The following ZMYM3 variants were observed in gnomAD, a reference collection of about 807,000 sequenced individuals.
The protein encoded by ZMYM3 is zinc finger MYM-type containing 3.
A neutral mutation model predicts 94.2 loss-of-function variants in ZMYM3; 6 were observed. The ratio of observed to expected loss-of-function variants is 0.06; its 90% CI spans 0.03 to 0.13. The LOEUF is 0.13. ZMYM3 is among the 10% of genes least tolerant of loss of function. The pLI, the probability that ZMYM3 is intolerant of heterozygous loss-of-function variation, is 1.00. For missense variants in ZMYM3, 664 were observed against 1,132.6 expected (o/e 0.59, Z 5.94); for synonymous variants, 420 against 426.5 (o/e 0.98, Z 0.19).
Position 71,245,385 on chromosome X carries a change from A to G in ZMYM3, c.2961T>C (p.Asn987=). Residue 987 remains asparagine, a synonymous_variant, in exon 18 of 25, where the codon AAT becomes AAC. Coordinates refer to ENST00000314425, the MANE Select transcript of ZMYM3 (RefSeq NM_201599.3). ...DVLAMAVKMA[N]VLDEPGQDLE... is the part of the protein sequence containing the mutation. ...AGTCTTGCCCAGGCTCATCCAAGAC[A>G]TTGGCCATCTTGACTGCCATGGCCA... 8.3e-7 allele frequency: 1 copy of G among 1,211,799 alleles called. No homozygotes were observed. Among genetic ancestry groups the G allele is most frequent in the Non-Finnish European group, 1.1e-6 (1 of 895,546 alleles).
Position 71,249,515 on chromosome X carries a change from G to A in ZMYM3, c.1416C>T (p.His472=), listed in dbSNP as rs150144367. The change falls in exon 7 of 25, where the codon CAC becomes CAT. Residue 472 remains histidine, a synonymous_variant. Coordinates refer to ENST00000314425, the MANE Select transcript of ZMYM3 (RefSeq NM_201599.3). The part of the protein sequence containing the change: ...TGSPGPELLF[H]EGQQKRFCNT... ...TGCAGAACCGCTTTTGTTGGCCCTC[G>A]TGGAAGAGGAGCTCAGGGCCAGGAC... The A allele has an allele frequency of 4.2e-5, 51 of 1,202,551 alleles. No individual in the cohort carries two copies. The African/African-American group carries it at 5.5e-4, about 13-fold the overall frequency.
rs1374395895 is a variant in ZMYM3 at position 71,248,816 on chromosome X, GAA to G, written c.1622-17_1622-16del. ...TCGGGGAGGGCCTGGGGCATAGAGA[GAA>G]AGAGAGAGAGGAAAAGAGAAAGAGA... On this transcript the variant is annotated splice_polypyrimidine_tract_variant and intron_variant, in intron 8 of 24. Transcript: ENST00000314425. 1 of 1,162,150 alleles carries G rather than the reference GAA, an allele frequency of 8.6e-7. No individual in the cohort carries two copies. The highest frequency in any genetic ancestry group is 1.2e-6 in the Non-Finnish European group (1 of 861,294).
At chrX:71,249,386 C>A in intron 7 of ZMYM3, 75 bp downstream of exon 7, 1 of 1,151,975 alleles carries the variant, frequency 8.7e-7, no homozygotes, top group Non-Finnish European at 1.2e-6. Context: ...CTTGACCCAT[C>A]AGCCACCTTT....
At chrX:71,251,334 AG>A in intron 3 of ZMYM3, 90 bp from the exon 4 acceptor site, 1 of 600,883 alleles carries the variant, frequency 1.7e-6, no homozygotes, top group Non-Finnish European at 2.6e-6. Flanking sequence ...AGAAGATGGG[AG>A]GGGGAAGGGA....
rs188585612 is a variant in ZMYM3, at chrX:71,246,751, C to A, written c.2315-59G>T. On this transcript the variant is annotated intron_variant, in intron 13 of 24. Transcript: ENST00000314425. The stretch of plus-strand genomic sequence containing the variant: ...AGGGACTAGCTCTCCATTTTCCTTA[C>A]CCCTGTTCCAGGAGAGCTTCATTAA... 53 of 1,084,786 alleles carry A rather than the reference C, an allele frequency of 4.9e-5. No individual in the cohort carries two copies. In the East Asian group the frequency reaches 1.5e-3, roughly 31 times the overall value. 89.4% of individuals were successfully genotyped at this position (1,084,786 alleles called of 1,213,427 possible).
chrX:71,244,940 C>T, intron 18 of ZMYM3, 47 bp from the exon 19 acceptor site: 1 of 1,045,804 alleles, frequency 9.6e-7, no homozygotes, highest in Non-Finnish European at 1.3e-6. Flanking sequence ...AAGATCTCAA[C>T]CCTGCAGCCC....
Position 71,244,403 on chromosome X carries a change from G to A in ZMYM3, c.3179C>T (p.Thr1060Ile), listed in dbSNP as rs753838797. ...RDSMSSQPSC[T>I]GLNYSYGVNA... ...GACACCATATGAATAGTTGAGCCCG[G>A]TACAACTAGGCTGACTGCTCATGGA... Residue 1060 changes from threonine to isoleucine, a missense_variant, in exon 20 of 25, where the codon ACC becomes ATC. By Grantham distance (89) the Thr-to-Ile change is moderately conservative (BLOSUM62 -1). Coordinates refer to ENST00000314425, the MANE Select transcript of ZMYM3 (RefSeq NM_201599.3). 2.5e-6 allele frequency: 3 copies of A among 1,211,638 alleles called. No individual in the cohort carries two copies. The highest frequency in any genetic ancestry group is 2.2e-6 in the Non-Finnish European group (2 of 895,517).
In ZMYM3 at chrX:71,250,416, C is replaced by T. The variant is rs375673042; in HGVS notation, c.1073+16G>A. Reference sequence around the variant, plus strand: ...AGATCCCTGCCCTCTGCATAGCCCCCAAGACCCTCACGCACTTCTTGCAGA... The same window carrying T: ...AGATCCCTGCCCTCTGCATAGCCCCTAAGACCCTCACGCACTTCTTGCAGA... On this transcript the variant is annotated intron_variant, in intron 5 of 24. Transcript: ENST00000314425. The T allele has an allele frequency of 3.4e-6, 4 of 1,193,775 alleles. No individual in the cohort carries two copies. The South Asian group carries it at 7.5e-5, about 22-fold the overall frequency.
At chrX:71,251,716 ACTCGAGTGCCTGTGGCTTCTTGGGG>A (rs1246539614) in intron 2 of ZMYM3, 115 bp from the exon 3 acceptor site, 1 of 1,057,090 alleles carries the variant, frequency 9.5e-7, no homozygotes, top group Non-Finnish European at 1.2e-6. Flanking sequence ...GAAAGGGAAA[ACTCGAGTGCCTGTGGCTTCTTGGGG>A]CCCCTCTCAG....
intron 21 of ZMYM3, chrX:71,243,470 C>T: frequency 7.6e-6 from 2 of 264,648 alleles, no homozygotes; most frequent in South Asian, 9.1e-5. Flanking sequence ...TGCTCCTTGG[C>T]CAACGGTCCT....
In ZMYM3 at chrX:71,252,747, C is replaced by G. The variant is rs1474926829; in HGVS notation, c.509G>C (p.Arg170Thr). The G allele has an allele frequency of 2.5e-6, 3 of 1,211,231 alleles. No individual in the cohort carries two copies. Among genetic ancestry groups the G allele is most frequent in the Non-Finnish European group, 3.4e-6 (3 of 895,175 alleles). The change falls in exon 2 of 25, where the codon AGG becomes ACG. Residue 170 changes from arginine to threonine, a missense_variant. By Grantham distance (71) the Arg-to-Thr change is moderately conservative. Coordinates refer to ENST00000314425, the MANE Select transcript of ZMYM3 (RefSeq NM_201599.3). ...CTCCTCCTCCTGCCCAGGGGAGCCC[C>G]TTCTTGCAGTAGCTATGGAGGTGGT... ...EETTSIATAR[R>T]GSPGQEEELP...
rs775109323 is a variant in ZMYM3 at position 71,250,158 on chromosome X, A to C, written c.1119T>G (p.Ser373=). The change falls in exon 6 of 25, where the codon TCT becomes TCG. Residue 373 remains serine, a synonymous_variant. Coordinates refer to ENST00000314425, the MANE Select transcript of ZMYM3 (RefSeq NM_201599.3). The stretch of plus-strand genomic sequence containing the variant: ...TGCAGAACTCATGGAAGGAGCCTCC[A>C]GAACCAGTCTGCGCCACAACCGAGT... ...TKDSVVAQTG[S]GGSFHEFCTS... 1.7e-6 allele frequency: 2 copies of C among 1,200,639 alleles called. No homozygotes were observed. Among genetic ancestry groups the C allele is most frequent in the Non-Finnish European group, 2.2e-6 (2 of 890,971 alleles).
intron 20 of ZMYM3, 84 bp from the exon 21 acceptor site, chrX:71,244,064 C>A: frequency 9.0e-7 from 1 of 1,109,645 alleles, no homozygotes; most frequent in Non-Finnish European, 1.2e-6. Flanking sequence ...ATTAACCCCT[C>A]CATCCCTTAG....
rs761267440 is a variant in ZMYM3 at position 71,243,890 on chromosome X, C to T, written c.3371G>A (p.Arg1124Gln). Residue 1124 changes from arginine (R) to glutamine (Q), a missense_variant, in exon 21 of 25, where the codon CGG (arginine) becomes CAG (glutamine). Coordinates refer to ENST00000314425, the MANE Select transcript of ZMYM3 (RefSeq NM_201599.3). ...AGGTTCATATCGTTCACCATTGGGC[C>T]GAGTGATTTCTCTCACAAACTGGGC... ...GLAQFVREIT[R>Q]PNGERYEPDS... 2 of 1,209,821 alleles carry T rather than the reference C, an allele frequency of 1.7e-6. No individual in the cohort carries two copies. The highest frequency in any genetic ancestry group is 3.5e-5 in the African/African-American group (2 of 57,039).
At chrX:71,249,417 A>AC in intron 7 of ZMYM3, 44 bp downstream of exon 7, 1 of 1,163,594 alleles carries the variant, frequency 8.6e-7, no homozygotes, top group East Asian at 3.2e-5. Context: ...CAAGAACCAC[A>AC]CCCCCTTCCA....
In ZMYM3 at chrX:71,246,657, G is replaced by C; in HGVS notation, c.2350C>G (p.Gln784Glu). 8.3e-7 allele frequency: 1 copy of C among 1,211,650 alleles called. No individual in the cohort carries two copies. The highest frequency in any genetic ancestry group is 1.1e-6 in the Non-Finnish European group (1 of 895,474). The change falls in exon 14 of 25, where the codon CAA (glutamine) becomes GAA (glutamate). Residue 784 changes from glutamine to glutamate, a missense_variant. By Grantham distance (29) the Gln-to-Glu change is conservative. This residue lies in a region of ZMYM3 where 159 missense variants were observed against 313.0 expected (regional missense o/e 0.51). Coordinates refer to ENST00000314425, the MANE Select transcript of ZMYM3 (RefSeq NM_201599.3). ...SPESKPQTPS[Q>E]TKVENSNTVR... is the part of the protein sequence containing the mutation. ...GTGTTGCTGTTCTCCACTTTGGTTT[G>C]AGAGGGTGTCTGGGGTTTTGACTCA...
chrX:71,249,271 T>C (rs1355737119), intron 7 of ZMYM3, 102 bp from the exon 8 acceptor site: 22 of 1,170,342 alleles, frequency 1.9e-5, no homozygotes, highest in Non-Finnish European at 2.5e-5. Flanking sequence ...AAAAAAAGTA[T>C]AGATGATGAT....
intron 19 of ZMYM3, among the ~76,000 whole-genome samples, 155 bp from the exon 20 acceptor site, chrX:71,244,625 C>A (rs1416195837): frequency 2.7e-5 from 3 of 111,540 alleles, no homozygotes; most frequent in African/African-American, 9.8e-5. Context: ...GCTTTGATGA[C>A]CTTGTGAGAT....
Position 71,243,913 on chromosome X carries a change from G to C in ZMYM3, c.3348C>G (p.Ala1116=). Residue 1116 remains alanine (A), a synonymous_variant, in exon 21 of 25, where the codon GCC becomes GCG. Transcript: ENST00000314425. ...GCCGAGTGATTTCTCTCACAAACTG[G>C]GCCAGACCGTAGTTGAGCTCAGCAG... is the stretch of plus-strand genomic sequence containing the variant. ...CSAAELNYGL[A]QFVREITRPN... is the part of the protein sequence containing the mutation. The C allele has an allele frequency of 3.3e-6, 4 of 1,211,566 alleles. No individual in the cohort carries two copies. Among genetic ancestry groups the C allele is most frequent in the Non-Finnish European group, 4.5e-6 (4 of 895,468 alleles).
Sources: gnomAD v4.1 joint callset for allele counts (sites outside exome capture counted in the v4.1 genomes callset) on GRCh38, gnomAD v4.1.1 for gene constraint, gnomAD v4.1.1 regional missense constraint, MANE v1.5 for transcripts, NCBI Gene and HGNC (gene_info 2026-07-23, HGNC 2026-07-21) for gene names.